ABCC1: variants seen among roughly 807,000 people sequenced by gnomAD.
ABCC1 encodes the protein multidrug resistance-associated protein 1.
Under a neutral mutation model 172.9 loss-of-function variants are expected in ABCC1, and 83 were observed. The ratio of observed to expected loss-of-function variants is 0.48; its 90% CI spans 0.40 to 0.58. The LOEUF (loss-of-function observed/expected upper bound fraction) is 0.58. Ranked by LOEUF, ABCC1 falls within the 20% of genes least tolerant of loss-of-function variation. ABCC1 has a pLI of 0.00. For synonymous variants in ABCC1, 937 were observed against 825.2 expected, an observed-to-expected ratio of 1.14 and a Z score of -2.32; for missense variants, 1,817 against 2,002.7, an observed-to-expected ratio of 0.91 and a Z score of 1.77.
intron 7 of ABCC1, among the ~76,000 whole-genome samples, chr16:16,039,696 T>TA (rs1441030095): frequency 6.6e-6 from 1 of 152,170 alleles, no homozygotes; most frequent in East Asian, 1.9e-4. Context: ...TCCTGAGTGT[T>TA]ACTGCTTTTT....
intron 1 of ABCC1, among the ~76,000 whole-genome samples, chr16:15,998,156 C>G (rs1420749001): frequency 1.1e-5 from 1 of 89,658 alleles, no homozygotes; most frequent in Admixed American, 1.1e-4. Context: ...GTCTCTTACT[C>G]TGTCACCCAG....
intron 1 of ABCC1, among the ~76,000 whole-genome samples, chr16:15,996,148 C>A (rs1185441530): frequency 6.6e-6 from 1 of 151,930 alleles, no homozygotes; most frequent in African/African-American, 2.4e-5. Flanking sequence ...CCATGCCCGG[C>A]TAATTTTTGT....
chr16:16,008,391 A>AG (rs2047634929), intron 2 of ABCC1, among the ~76,000 whole-genome samples: 1 of 151,394 alleles, frequency 6.6e-6, no homozygotes, highest in Admixed American at 6.6e-5. Context: ...TTTTGTAGAG[A>AG]GGGGGGACTT....
chr16:16,008,509 AT>A (rs932809133), intron 2 of ABCC1, among the ~76,000 whole-genome samples: 94 of 148,392 alleles, frequency 6.3e-4, no homozygotes, highest in African/African-American at 1.4e-3. Context: ...CTGGCCCCTA[AT>A]TTTTTTTTTA....
At chr16:15,985,923 A>G (rs71378216) in intron 1 of ABCC1, among the ~76,000 whole-genome samples, 16,761 of 151,766 alleles carry the variant, frequency 0.11, 1,027 homozygotes, top group Middle Eastern at 0.16. Flanking sequence ...GTCTTCCTCA[A>G]TTCGTGGTTT....
intron 1 of ABCC1, among the ~76,000 whole-genome samples, chr16:15,982,851 G>C (rs561605369): frequency 4.4e-5 from 6 of 136,318 alleles, no homozygotes; most frequent in African/African-American, 1.6e-4. Flanking sequence ...CCTGTGTGCT[G>C]TACAAAAGCA....
At chr16:15,972,017 T>C (rs2046381217) in intron 1 of ABCC1, among the ~76,000 whole-genome samples, 1 of 152,160 alleles carries the variant, frequency 6.6e-6, no homozygotes, top group Non-Finnish European at 1.5e-5. Flanking sequence ...TAACATGCGT[T>C]GAGGTCACTC....
At chr16:15,975,962 G>C (rs1467988404) in intron 1 of ABCC1, among the ~76,000 whole-genome samples, 1 of 152,110 alleles carries the variant, frequency 6.6e-6, no homozygotes, top group African/African-American at 2.4e-5. Context: ...AGGAGAGAAA[G>C]AGACACTTAG....
intron 19 of ABCC1, among the ~76,000 whole-genome samples, chr16:16,101,613 T>G (rs1354849326): frequency 6.6e-6 from 1 of 152,222 alleles, no homozygotes; most frequent in Non-Finnish European, 1.5e-5. Context: ...CTCTCCCACC[T>G]TCTCTGGGGT....
Position 16,131,894 on chromosome 16 carries a change from G to A in ABCC1, c.3925G>A (p.Val1309Ile), listed in dbSNP as rs759668292. Residue 1309 changes from valine to isoleucine, a missense_variant, in exon 27 of 31, where the codon GTT becomes ATT. Physicochemically the swap from Val to Ile is conservative, Grantham distance 29. Around this residue, in one of 3 missense-constraint regions of ABCC1, gnomAD observed 1,412 missense variants for 1,600.3 expected, o/e 0.88. Transcript: ENST00000399410. ...CLRYREDLDFVLRHINVTING... is the reference protein window; with the variant it reads ...CLRYREDLDFILRHINVTING... ...GCGCTACCGAGAGGACCTGGACTTCGTTCTCAGGCACATCAATGTCACGAT... is the reference window on the plus strand; with the variant it reads ...GCGCTACCGAGAGGACCTGGACTTCATTCTCAGGCACATCAATGTCACGAT... 1.3e-5 allele frequency: 21 copies of A among 1,614,006 alleles called. No homozygotes were observed. The highest frequency in any genetic ancestry group is 3.3e-4 in the Middle Eastern group (2 of 6,084).
In ABCC1 at chr16:15,983,469, G is replaced by A. The variant is rs533147256; in HGVS notation, c.49-24347G>A. ...TCAGGAAACCTATTTGGAGGCTGGG[G>A]TTTTCACCCAGGTCATGCAGATAAG... On this transcript the variant is annotated intron_variant, in intron 1 of 30. Transcript: ENST00000399410. Among the ~76,000 whole-genome samples the A allele has an allele frequency of 2.0e-5, 3 of 151,572 alleles. No homozygotes were observed. The South Asian group carries it at 6.2e-4, about 32-fold the overall frequency.
At chr16:16,010,072 A>C (rs1216723612) in intron 3 of ABCC1, among the ~76,000 whole-genome samples, 171 bp downstream of exon 3, 15 of 95,612 alleles carry the variant, frequency 1.6e-4, no homozygotes, top group African/African-American at 7.8e-4. Flanking sequence ...AAGACATGAG[A>C]TCTCGCTTTC....
Position 16,083,504 on chromosome 16 carries a change from A to G in ABCC1, c.2254A>G (p.Ile752Val), listed in dbSNP as rs2050886159. The change falls in exon 17 of 31, where the codon ATC (isoleucine) becomes GTC (valine). Residue 752 changes from isoleucine to valine, a missense_variant. By Grantham distance (29) the Ile-to-Val change is conservative. Around this residue, in one of 3 missense-constraint regions of ABCC1, gnomAD observed 1,412 missense variants for 1,600.3 expected, o/e 0.88. Transcript: ENST00000399410. ...CTGTGCCCTCCTCCCAGACCTGGAA[A>G]TCCTGCCCAGTGGGGATCGGACAGA... is the stretch of plus-strand genomic sequence containing the variant. ...QACALLPDLEILPSGDRTEIG... is the reference protein window; with the variant it reads ...QACALLPDLEVLPSGDRTEIG... 1 of 1,613,718 alleles carries G rather than the reference A, an allele frequency of 6.2e-7. No homozygotes were observed. Among genetic ancestry groups the G allele is most frequent in the South Asian group, 1.1e-5 (1 of 91,072 alleles).
In ABCC1 at chr16:16,083,635, T is replaced by C. The variant is rs1239377716; in HGVS notation, c.2292+93T>C. On this transcript the variant is annotated intron_variant, in intron 17 of 30. Coordinates refer to ENST00000399410, the MANE Select transcript of ABCC1 (RefSeq NM_004996.4). ...TCTCAGTGGGCTGTGAGTCTGCTGCTATCAGCTGACCCGGCAGGGCTCAGC... is the reference window on the plus strand; with the variant it reads ...TCTCAGTGGGCTGTGAGTCTGCTGCCATCAGCTGACCCGGCAGGGCTCAGC... 5.5e-5 allele frequency: 83 copies of C among 1,508,796 alleles called. 1 individual carries two copies. The South Asian group carries it at 1.0e-3, about 18-fold the overall frequency. 93.5% of individuals were successfully genotyped at this position (1,508,796 alleles called of 1,614,324 possible).
Position 16,141,375 on chromosome 16 carries a change from C to A in ABCC1, c.*94C>A. ...CCCCTGGTAAACCAAGCCTCCCACACTGAAACCAAAACATAAAAACCAAAC... is the reference window on the plus strand; with the variant it reads ...CCCCTGGTAAACCAAGCCTCCCACAATGAAACCAAAACATAAAAACCAAAC... On this transcript the variant is annotated 3_prime_UTR_variant, in exon 31 of 31. Coordinates refer to ENST00000399410, the MANE Select transcript of ABCC1 (RefSeq NM_004996.4). The A allele has an allele frequency of 8.4e-7, 1 of 1,195,990 alleles. No individual in the cohort carries two copies. The highest frequency in any genetic ancestry group is 1.2e-6 in the Non-Finnish European group (1 of 832,116). The allele number at this position is 1,195,990 out of a possible 1,614,324, so 74.1% of individuals were successfully genotyped here. A position where few individuals can be genotyped will look rare whatever the true frequency, so the allele number is the denominator to read the frequency against.
chr16:16,125,790 C>A lies in ABCC1; in HGVS notation c.3718-20C>A. 1 of 1,579,998 alleles carries A rather than the reference C, an allele frequency of 6.3e-7. No individual in the cohort carries two copies. Among genetic ancestry groups the A allele is most frequent in the Non-Finnish European group, 8.7e-7 (1 of 1,153,350 alleles). ...ACGCCCGCTTACTCTAGAAATGCCA[C>A]GTGACTCTTCCACTCACAGGTCACC... On this transcript the variant is annotated intron_variant, in intron 25 of 30. Transcript: ENST00000399410.
intron 12 of ABCC1, among the ~76,000 whole-genome samples, chr16:16,056,923 G>A (rs2049681661): frequency 6.6e-6 from 1 of 152,144 alleles, no homozygotes; most frequent in South Asian, 2.1e-4. Context: ...GGCACGCTTG[G>A]TGCCATAGTT....
At chr16:16,057,233 C>T (rs1268731610) in intron 12 of ABCC1, among the ~76,000 whole-genome samples, 1 of 150,276 alleles carries the variant, frequency 6.7e-6, no homozygotes. Context: ...GTGGTGCATG[C>T]CTATATTCCC....
rs1295903288 is a variant in ABCC1 at position 15,983,451 on chromosome 16, A to G, written c.49-24365A>G. 2.0e-5 allele frequency among the ~76,000 whole-genome samples: 3 copies of G among 151,794 alleles called. No individual in the cohort carries two copies. The East Asian group carries it at 5.8e-4, about 29-fold the overall frequency. On this transcript the variant is annotated intron_variant, in intron 1 of 30. Coordinates refer to ENST00000399410, the MANE Select transcript of ABCC1 (RefSeq NM_004996.4). Reference sequence around the variant, plus strand: ...CTGCGGTTGGGAGGGGAGTCAGGAAACCTATTTGGAGGCTGGGGTTTTCAC... The same window carrying G: ...CTGCGGTTGGGAGGGGAGTCAGGAAGCCTATTTGGAGGCTGGGGTTTTCAC...
Sources: allele counts gnomAD v4.1 joint callset (sites outside exome capture counted in the v4.1 genomes callset), GRCh38; gene constraint gnomAD v4.1.1; regional missense constraint gnomAD v4.1.1; transcripts MANE v1.5; gene names NCBI Gene and HGNC (gene_info 2026-07-23, HGNC 2026-07-21).